Variants in SLIT2 observed in about 807,000 individuals in gnomAD.
SLIT2 encodes slit homolog 2 protein.
Under a neutral mutation model 185.7 loss-of-function variants are expected in SLIT2, and 41 were observed. The observed-to-expected ratio is 0.22, with a 90% CI of 0.17 to 0.29. The LOEUF (loss-of-function observed/expected upper bound fraction) is 0.29. SLIT2 is among the 10% of genes least tolerant of loss of function. The probability of loss-of-function intolerance (pLI) is 1.00; values close to 1 mark genes in which losing one functional copy is unlikely to be tolerated. For missense variants in SLIT2, 1,571 were observed against 1,909.0 expected, an observed-to-expected ratio of 0.82 and a Z score of 3.30; for synonymous variants, 693 against 680.2, an observed-to-expected ratio of 1.02 and a Z score of -0.29.
At chr4:20,282,297 A>G (rs1219969392) in intron 4 of SLIT2, among the ~76,000 whole-genome samples, 1 of 152,192 alleles carries the variant, frequency 6.6e-6, no homozygotes, top group African/African-American at 2.4e-5. Context: ...AAATTAAGCC[A>G]CCTGGGTTGA....
At chr4:20,530,612 G>A (rs1721713578) in intron 16 of SLIT2, among the ~76,000 whole-genome samples, 1 of 152,064 alleles carries the variant, frequency 6.6e-6, no homozygotes, top group African/African-American at 2.4e-5. Context: ...GTTTGTCATG[G>A]AGGAATTATA....
intron 26 of SLIT2, among the ~76,000 whole-genome samples, chr4:20,562,127 CCT>C (rs780319688): frequency 1.1e-4 from 17 of 151,842 alleles, no homozygotes; most frequent in Non-Finnish European, 1.9e-4. Flanking sequence ...AGGATTTTAA[CCT>C]CTGTCATCTG....
intron 4 of SLIT2, among the ~76,000 whole-genome samples, chr4:20,396,830 A>G (rs544660737): frequency 1.2e-3 from 180 of 148,064 alleles, no homozygotes; most frequent in African/African-American, 3.9e-3. Flanking sequence ...ATATATTTAA[A>G]TATTTAAATA....
At chr4:20,564,026 T>C (rs1166309375) in intron 26 of SLIT2, among the ~76,000 whole-genome samples, 1 of 151,816 alleles carries the variant, frequency 6.6e-6, no homozygotes. Flanking sequence ...TGATCAAGTG[T>C]GGAAAATTCT....
chr4:20,372,418 A>T (rs1723666193), intron 4 of SLIT2, among the ~76,000 whole-genome samples: 3 of 152,090 alleles, frequency 2.0e-5, no homozygotes, highest in Non-Finnish European at 2.9e-5. Context: ...CCAAAGAGAA[A>T]AGGTAAAATA....
intron 28 of SLIT2, among the ~76,000 whole-genome samples, chr4:20,568,362 G>A (rs1725279079): frequency 6.6e-6 from 1 of 151,812 alleles, no homozygotes; most frequent in Non-Finnish European, 1.5e-5. Context: ...AAGACAAAGA[G>A]AACATTCACA....
intron 4 of SLIT2, among the ~76,000 whole-genome samples, chr4:20,370,389 G>C (rs1329918329): frequency 6.6e-6 from 1 of 152,106 alleles, no homozygotes; most frequent in Non-Finnish European, 1.5e-5. Flanking sequence ...TGGTTAAACA[G>C]AGAGTGTATA....
chr4:20,442,874 G>C (rs537577217), intron 4 of SLIT2, among the ~76,000 whole-genome samples: 32 of 152,278 alleles, frequency 2.1e-4, no homozygotes, highest in African/African-American at 7.2e-4. Context: ...ATGTGTTTTA[G>C]ATTGAGAGTT....
chr4:20,253,801 A>C lies in SLIT2; in HGVS notation c.-15A>C, dbSNP rs201244387. The stretch of plus-strand genomic sequence containing the variant: ...AAGCCCCCAGTGCCGGCGAGGAAGG[A>C]GGCGGCGGGGAAAGATGCGCGGCGT... On this transcript the variant is annotated 5_prime_UTR_variant, in exon 1 of 37. Transcript: ENST00000504154. 3.1e-6 allele frequency: 5 copies of C among 1,597,032 alleles called. No individual in the cohort carries two copies. The South Asian group carries it at 4.4e-5, about 14-fold the overall frequency.
At chr4:20,493,106 A>G (rs887660520) in intron 9 of SLIT2, among the ~76,000 whole-genome samples, 3 of 152,182 alleles carry the variant, frequency 2.0e-5, no homozygotes, top group Non-Finnish European at 4.4e-5. Context: ...ATAAGTTATA[A>G]CTTGGGAAGA....
At chr4:20,416,081 A>G (rs1727658703) in intron 4 of SLIT2, among the ~76,000 whole-genome samples, 1 of 152,182 alleles carries the variant, frequency 6.6e-6, no homozygotes, top group Non-Finnish European at 1.5e-5. Context: ...TCTTTGGAAA[A>G]TGTATCAACA....
chr4:20,401,474 G>C (rs1726355874), intron 4 of SLIT2, among the ~76,000 whole-genome samples: 1 of 151,782 alleles, frequency 6.6e-6, no homozygotes, highest in Non-Finnish European at 1.5e-5. Context: ...CTCTCTGTGA[G>C]AGACAAAGCT....
intron 4 of SLIT2, among the ~76,000 whole-genome samples, chr4:20,340,042 ACTTT>A (rs1216393135): frequency 8.5e-5 from 13 of 152,124 alleles, no homozygotes; most frequent in African/African-American, 3.1e-4. Flanking sequence ...CTTCTCCAAA[ACTTT>A]CTTTTCTCCT....
rs1577323215 is a variant in SLIT2, at chr4:20,252,848, G to A, written c.-968G>A. Among the ~76,000 whole-genome samples, 1 of 152,184 alleles carries A rather than the reference G, an allele frequency of 6.6e-6. No homozygotes were observed. Among genetic ancestry groups the A allele is most frequent in the East Asian group, 1.9e-4 (1 of 5,136 alleles). ...GGCCTTTGCCTTTCCACTCCTTCCG[G>A]TCTGCCTGGTTTTTAAGTCCGCCCC... On this transcript the variant is annotated 5_prime_UTR_variant, in exon 1 of 37. Coordinates refer to ENST00000504154, the MANE Select transcript of SLIT2 (RefSeq NM_004787.4).
intron 4 of SLIT2, among the ~76,000 whole-genome samples, chr4:20,291,918 GTGTGTGTGTGTGTGTGTGTGTGCA>G (rs1367232090): frequency 6.6e-6 from 1 of 151,336 alleles, no homozygotes; most frequent in African/African-American, 2.4e-5. Flanking sequence ...GTGTGTGTGT[GTGTGTGTGTGTGTGTGTGTGTGCA>G]TGTGTGTGCA....
chr4:20,255,725 A>G (rs1711745887), intron 1 of SLIT2, among the ~76,000 whole-genome samples: 1 of 152,244 alleles, frequency 6.6e-6, no homozygotes, highest in Admixed American at 6.5e-5. Context: ...TTGAAAAAAT[A>G]TACATCCTTA....
intron 4 of SLIT2, among the ~76,000 whole-genome samples, chr4:20,316,872 G>A (rs1187470933): frequency 3.6e-5 from 5 of 137,846 alleles, no homozygotes; most frequent in Non-Finnish European, 6.2e-5. Context: ...AATTCAGTTC[G>A]TTGTTCTTGG....
intron 4 of SLIT2, among the ~76,000 whole-genome samples, chr4:20,453,040 A>G (rs774649727): frequency 9.2e-5 from 14 of 152,178 alleles, no homozygotes; most frequent in Non-Finnish European, 1.3e-4. Context: ...TTCCCTCAAA[A>G]TATCTGCTAG....
At position 20,548,599 on chromosome 4, in the gene SLIT2, A is replaced by G. The variant is rs573108184; in HGVS notation, c.2417+40A>G. ...GTGGTACTGAGTATTCATTAATTCA[A>G]TGGACAAAAGGCAGTCTCTAGATGC... On this transcript the variant is annotated intron_variant, in intron 23 of 36. Transcript: ENST00000504154. 4.2e-5 allele frequency: 51 copies of G among 1,215,166 alleles called. 1 individual carries two copies. Among genetic ancestry groups the G allele is most frequent in the Middle Eastern group, 3.8e-4 (2 of 5,214 alleles). 75.3% of individuals were successfully genotyped at this position (1,215,166 alleles called of 1,614,324 possible).
Sources: gnomAD v4.1 joint callset for allele counts (sites outside exome capture counted in the v4.1 genomes callset) on GRCh38, gnomAD v4.1.1 for gene constraint, MANE v1.5 for transcripts, NCBI Gene and HGNC (gene_info 2026-07-23, HGNC 2026-07-21) for gene names.